Variants in KLHDC10 observed in about 807,000 individuals in gnomAD.
KLHDC10 encodes kelch domain containing 10, also known as kelch domain-containing protein 10.
Under a neutral mutation model 56.1 loss-of-function variants are expected in KLHDC10, and 24 were observed. The observed-to-expected ratio is 0.43, with a 90% CI of 0.31 to 0.60. The LOEUF is 0.60. KLHDC10 is among the 20% of genes least tolerant of loss of function. The probability of loss-of-function intolerance (pLI) is 0.11; values close to 1 mark genes in which losing one functional copy is unlikely to be tolerated. For synonymous variants in KLHDC10, 188 were observed against 207.1 expected (o/e 0.91, Z 0.79); for missense variants, 349 against 567.0 (o/e 0.62, Z 3.91).
Position 130,120,027 on chromosome 7 carries a change from G to A in KLHDC10, c.476-722G>A, listed in dbSNP as rs1235413677. Among the ~76,000 whole-genome samples the A allele has an allele frequency of 6.6e-6, 1 of 152,078 alleles. No individual in the cohort carries two copies. Among genetic ancestry groups the A allele is most frequent in the East Asian group, 1.9e-4 (1 of 5,194 alleles). ...ACACCAAAGTTACCTGCAGGATATT[G>A]GTGTGTTTTGTTTTAATCTGGTAGA... is the stretch of plus-strand genomic sequence containing the variant. On this transcript the variant is annotated intron_variant, in intron 3 of 9. Coordinates refer to ENST00000335420, the MANE Select transcript of KLHDC10 (RefSeq NM_014997.4). The surrounding 1 kb of genome is among the most constrained non-coding windows in gnomAD (Gnocchi z 5.1).
chr7:130,135,025 A>G lies in KLHDC10; in HGVS notation c.*4279A>G, dbSNP rs1796450461. 6.6e-6 allele frequency: 1 copy of G among 151,408 alleles called. No individual in the cohort carries two copies. Among genetic ancestry groups the G allele is most frequent in the South Asian group, 2.1e-4 (1 of 4,706 alleles). The allele number at this position is 151,408 out of a possible 1,614,324, so 9.4% of individuals were successfully genotyped here. A position where few individuals can be genotyped will look rare whatever the true frequency, so the allele number is the denominator to read the frequency against. On this transcript the variant is annotated 3_prime_UTR_variant, in exon 10 of 10. Coordinates refer to ENST00000335420, the MANE Select transcript of KLHDC10 (RefSeq NM_014997.4). ...TCTTCTCTAGTCCGGTGTTACGAAC[A>G]GAAGTTCTGAGTTGTGCTACAAAAG...
At chr7:130,084,832 C>T (rs148760103) in intron 1 of KLHDC10, among the ~76,000 whole-genome samples, 3 of 151,632 alleles carry the variant, frequency 2.0e-5, no homozygotes, top group Admixed American at 6.6e-5. Flanking sequence ...ATGACAGTCT[C>T]ATCAAATGTG....
Position 130,130,337 on chromosome 7 carries a change from CATAT to C in KLHDC10, c.1120-186_1120-183del, listed in dbSNP as rs72380761. Among the ~76,000 whole-genome samples the C allele has an allele frequency of 5.0e-4, 71 of 140,842 alleles. 1 individual carries two copies. Among genetic ancestry groups the C allele is most frequent in the African/African-American group, 1.8e-3 (68 of 36,928 alleles). The allele number at this position is 140,842 out of a possible 152,430, so 92.4% of individuals were successfully genotyped here. A position where few individuals can be genotyped will look rare whatever the true frequency, so the allele number is the denominator to read the frequency against. On this transcript the variant is annotated intron_variant, in intron 9 of 9. Coordinates refer to ENST00000335420, the MANE Select transcript of KLHDC10 (RefSeq NM_014997.4). This position sits in a 1 kb window ranked among gnomAD's most constrained non-coding sequence, Gnocchi z 4.2. ...ACTCTGTCTCAAAAAAAAAAAAAAT[CATAT>C]ATATATATATATAGTTTTTCCCTTA...
At chr7:130,123,015 G>A (rs1267138450) in intron 5 of KLHDC10, among the ~76,000 whole-genome samples, 1 of 139,126 alleles carries the variant, frequency 7.2e-6, no homozygotes. Flanking sequence ...ATAGATGGAT[G>A]TATGGATGGA....
intron 1 of KLHDC10, among the ~76,000 whole-genome samples, chr7:130,086,905 T>C (rs6961836): frequency 0.82 from 124,904 of 152,278 alleles, 51,571 homozygotes; most frequent in Non-Finnish European, 0.87. Flanking sequence ...TATTTTACTC[T>C]GCTTTCCCAT....
intron 2 of KLHDC10, among the ~76,000 whole-genome samples, chr7:130,100,737 C>T (rs1277453014): frequency 6.6e-6 from 1 of 152,010 alleles, no homozygotes; most frequent in Non-Finnish European, 1.5e-5. Flanking sequence ...CTTTATATCA[C>T]CTCTCTTGGT....
At chr7:130,103,727 A>C (rs1452570748) in intron 2 of KLHDC10, among the ~76,000 whole-genome samples, 1 of 152,144 alleles carries the variant, frequency 6.6e-6, no homozygotes, top group Non-Finnish European at 1.5e-5. Flanking sequence ...GGGGGGTCAA[A>C]ATAAGATTTC....
At chr7:130,126,537 G>A (rs904826332) in intron 7 of KLHDC10, among the ~76,000 whole-genome samples, 3 of 151,886 alleles carry the variant, frequency 2.0e-5, no homozygotes, top group Non-Finnish European at 2.9e-5. Context: ...TTAGCTGGGC[G>A]TGGTGGCATG....
At chr7:130,112,966 G>A (rs970108142) in intron 2 of KLHDC10, among the ~76,000 whole-genome samples, 1 of 151,994 alleles carries the variant, frequency 6.6e-6, no homozygotes, top group African/African-American at 2.4e-5. Flanking sequence ...AATTTTTCCA[G>A]TACCCACATT....
intron 1 of KLHDC10, among the ~76,000 whole-genome samples, chr7:130,085,324 C>T (rs1795671455): frequency 7.0e-6 from 1 of 143,088 alleles, no homozygotes; most frequent in African/African-American, 2.6e-5. Flanking sequence ...CAGAGCAAGA[C>T]TCCATCTCAG....
At chr7:130,106,342 T>C (rs1796007846) in intron 2 of KLHDC10, among the ~76,000 whole-genome samples, 3 of 152,228 alleles carry the variant, frequency 2.0e-5, no homozygotes, top group Non-Finnish European at 4.4e-5. Context: ...TAAAAGTTTG[T>C]TTTTCAGCAA....
Position 130,127,399 on chromosome 7 carries a change from G to A in KLHDC10, c.932-5G>A, listed in dbSNP as rs1361328570. 1 of 1,612,400 alleles carries A rather than the reference G, an allele frequency of 6.2e-7. No homozygotes were observed. The highest frequency in any genetic ancestry group is 8.5e-7 in the Non-Finnish European group (1 of 1,178,506). ...ATGGAACTTCTGTGTTTGTGTGTTT[G>A]GCAGGCTTTCCTGCAGCCCGAAGGT... On this transcript the variant is annotated splice_region_variant and splice_polypyrimidine_tract_variant and intron_variant, in intron 7 of 9. Transcript: ENST00000335420.
intron 2 of KLHDC10, among the ~76,000 whole-genome samples, chr7:130,113,753 A>G (rs892995440): frequency 6.6e-6 from 1 of 152,348 alleles, no homozygotes; most frequent in African/African-American, 2.4e-5. Context: ...TAAACTTATA[A>G]CATTACTTTC....
intron 1 of KLHDC10, among the ~76,000 whole-genome samples, chr7:130,079,682 T>C (rs1041176142): frequency 2.0e-5 from 3 of 152,192 alleles, no homozygotes; most frequent in Non-Finnish European, 4.4e-5. Flanking sequence ...TGTTTCCACT[T>C]TTATAAAACT....
At chr7:130,078,472 G>A (rs1028237583) in intron 1 of KLHDC10, among the ~76,000 whole-genome samples, 1 of 152,156 alleles carries the variant, frequency 6.6e-6, no homozygotes, top group African/African-American at 2.4e-5. Context: ...TGATCATTCT[G>A]TCTTGGCCTC....
intron 2 of KLHDC10, among the ~76,000 whole-genome samples, chr7:130,099,730 A>G (rs1795903366): frequency 6.6e-6 from 1 of 152,248 alleles, no homozygotes; most frequent in Non-Finnish European, 1.5e-5. Context: ...GGCACCACCC[A>G]AGTGGAGTTT....
Position 130,093,026 on chromosome 7 carries a change from T to C in KLHDC10, c.167-3895T>C, listed in dbSNP as rs537293087. ...TATGTCTTTTTTTTTTTAATGACTT[T>C]TTTTTGTTATTTGGGAGATTTTAGG... is the stretch of plus-strand genomic sequence containing the variant. On this transcript the variant is annotated intron_variant, in intron 1 of 9. Coordinates refer to ENST00000335420, the MANE Select transcript of KLHDC10 (RefSeq NM_014997.4). Among the ~76,000 whole-genome samples the C allele has an allele frequency of 7.9e-5, 12 of 152,140 alleles. No homozygotes were observed. The South Asian group carries it at 1.9e-3, about 24-fold the overall frequency.
rs750348872 is a variant in KLHDC10 at position 130,130,731 on chromosome 7, C to T, written c.1314C>T (p.Ile438=). Residue 438 remains isoleucine, a synonymous_variant, in exon 10 of 10, where the codon ATC becomes ATT. Coordinates refer to ENST00000335420, the MANE Select transcript of KLHDC10 (RefSeq NM_014997.4). The surrounding 1 kb of genome is among the most constrained non-coding windows in gnomAD (Gnocchi z 4.2). ...LLHLGLTQGL[I]ERLK ...ACCTTGGACTCACACAGGGACTCATCGAACGCTTGAAATGAGGATTTCTGG... is the reference window on the plus strand; with the variant it reads ...ACCTTGGACTCACACAGGGACTCATTGAACGCTTGAAATGAGGATTTCTGG... 25 of 1,613,860 alleles carry T rather than the reference C, an allele frequency of 1.5e-5. No individual in the cohort carries two copies. Among genetic ancestry groups the T allele is most frequent in the East Asian group, 2.2e-5 (1 of 44,900 alleles).
rs1162565209 is a variant in KLHDC10 at position 130,097,059 on chromosome 7, TTGAA to T, written c.253+58_253+61del. 2.5e-6 allele frequency: 3 copies of T among 1,224,242 alleles called. No individual in the cohort carries two copies. In the African/African-American group the frequency reaches 4.5e-5, roughly 18 times the overall value. The allele number at this position is 1,224,242 out of a possible 1,614,324, so 75.8% of individuals were successfully genotyped here. On this transcript the variant is annotated intron_variant, in intron 2 of 9. Transcript: ENST00000335420. ...TGCTTCGTATGGGTTAAAGGGAACT[TTGAA>T]TGAATTTTCTAAGCTCAAAACTCTG...
Sources: gnomAD v4.1 joint callset for allele counts (sites outside exome capture counted in the v4.1 genomes callset) on GRCh38, gnomAD v4.1.1 for gene constraint, Gnocchi (gnomAD v3.1) non-coding constraint, MANE v1.5 for transcripts, NCBI Gene and HGNC (gene_info 2026-07-23, HGNC 2026-07-21) for gene names.